CACTIN: variants seen among roughly 807,000 people sequenced by gnomAD.
CACTIN encodes splicing factor Cactin.
Under a neutral mutation model 84.9 loss-of-function variants are expected in CACTIN, and 20 were observed. The observed-to-expected ratio is 0.24, with a 90% CI of 0.17 to 0.34. The LOEUF is 0.34. Among genes scored for constraint, CACTIN ranks in the 10% least tolerant of loss-of-function variants. CACTIN has a pLI of 1.00. For synonymous variants in CACTIN, 549 were observed against 467.9 expected, an observed-to-expected ratio of 1.17 and a Z score of -2.24; for missense variants, 897 against 1,117.2, an observed-to-expected ratio of 0.80 and a Z score of 2.81.
chr19:3,623,392 G>C (rs190974117), intron 2 of CACTIN, among the ~76,000 whole-genome samples: 2 of 151,782 alleles, frequency 1.3e-5, no homozygotes, highest in Non-Finnish European at 2.9e-5. Flanking sequence ...AGCCGGGCGT[G>C]GTAGCGGGCG....
chr19:3,618,363 G>A (rs891629679), intron 6 of CACTIN, among the ~76,000 whole-genome samples: 2 of 152,116 alleles, frequency 1.3e-5, no homozygotes, highest in Non-Finnish European at 2.9e-5. Context: ...CCGCATGTCC[G>A]CAGTGCTCAG....
intron 6 of CACTIN, among the ~76,000 whole-genome samples, chr19:3,618,524 G>A (rs2033154630): frequency 6.6e-6 from 1 of 152,262 alleles, no homozygotes; most frequent in African/African-American, 2.4e-5. Context: ...CGGCCTTCAG[G>A]CCAGGTGGAG....
chr19:3,618,599 G>T (rs1200430401), intron 6 of CACTIN, among the ~76,000 whole-genome samples: 5 of 152,220 alleles, frequency 3.3e-5, no homozygotes, highest in African/African-American at 1.2e-4. Flanking sequence ...AAGCCCCGTG[G>T]CTCCCATAAG....
At chr19:3,625,128 G>A (rs867383747) in intron 1 of CACTIN, among the ~76,000 whole-genome samples, 1 of 152,122 alleles carries the variant, frequency 6.6e-6, no homozygotes, top group African/African-American at 2.4e-5. Flanking sequence ...CTGGGCTCAG[G>A]CAAGCCTCCT....
At chr19:3,621,289 T>C (rs1421917803) in intron 2 of CACTIN, among the ~76,000 whole-genome samples, 3 of 152,202 alleles carry the variant, frequency 2.0e-5, no homozygotes, top group Non-Finnish European at 2.9e-5. Context: ...TGTGGGGTCA[T>C]GGGGCCCCGC....
chr19:3,619,328 G>T (rs1599890517), intron 4 of CACTIN, 86 bp from the exon 5 acceptor site: 4 of 1,482,912 alleles, frequency 2.7e-6, no homozygotes, highest in African/African-American at 1.4e-5. Context: ...CCACACCAGT[G>T]GGAGCCGAGG....
At chr19:3,613,740 T>C (rs1486361216) in intron 7 of CACTIN, 154 bp from the exon 8 acceptor site, 1 of 1,115,186 alleles carries the variant, frequency 9.0e-7, no homozygotes, top group East Asian at 2.6e-5. Context: ...GCTTGGTCAG[T>C]TCAGGGTCAA....
Position 3,626,647 on chromosome 19 carries a change from C to T in CACTIN, c.116G>A (p.Arg39His). 1.3e-6 allele frequency: 2 copies of T among 1,536,052 alleles called. No homozygotes were observed. Among genetic ancestry groups the T allele is most frequent in the Non-Finnish European group, 1.7e-6 (2 of 1,150,310 alleles). The change falls in exon 1 of 10, where the codon CGC (arginine) becomes CAC (histidine). Residue 39 changes from arginine (R) to histidine (H), a missense_variant. Arg to His is a conservative substitution (Grantham distance 29). Transcript: ENST00000429344. ...SRSHGRRNRR[R>H]REDEGRRRRR... The stretch of plus-strand genomic sequence containing the variant: ...TCTGCGCCGTCCCTCGTCCTCCCGG[C>T]GCCGTCGGTTTCGCCGCCCATGGCT...
intron 9 of CACTIN, chr19:3,612,755 C>T (rs2032994015): frequency 1.4e-6 from 1 of 698,068 alleles, no homozygotes; most frequent in East Asian, 2.7e-5. Context: ...CAGGGGTTTT[C>T]TGAAGCCAGT....
Position 3,611,674 on chromosome 19 carries a change from C to T in CACTIN, c.*249G>A, listed in dbSNP as rs1366171754. Reference sequence around the variant, plus strand: ...CGTGCTCGAAAGATGCCCCTAGCGCCCCCTCCGTTGCATCAGGACCCTAGG... The same window carrying T: ...CGTGCTCGAAAGATGCCCCTAGCGCTCCCTCCGTTGCATCAGGACCCTAGG... On this transcript the variant is annotated 3_prime_UTR_variant, in exon 10 of 10. Transcript: ENST00000429344. 3.6e-6 allele frequency: 2 copies of T among 552,900 alleles called. No homozygotes were observed. Among genetic ancestry groups the T allele is most frequent in the South Asian group, 3.9e-5 (2 of 50,964 alleles). The allele number at this position is 552,900 out of a possible 1,614,324, so 34.2% of individuals were successfully genotyped here. A position where few individuals can be genotyped will look rare whatever the true frequency, so the allele number is the denominator to read the frequency against.
At position 3,625,788 on chromosome 19, in the gene CACTIN, A is replaced by G. The variant is rs542160668; in HGVS notation, c.167+808T>C. Among the ~76,000 whole-genome samples the G allele has an allele frequency of 9.6e-4, 147 of 152,340 alleles. 1 individual carries two copies. The highest frequency in any genetic ancestry group is 3.5e-3 in the African/African-American group (146 of 41,590). ...TGAACTTGGCCCAGAGCGGGGCAAGACTGGCCTGAGTGTCAGCCACGAAGG... is the reference window on the plus strand; with the variant it reads ...TGAACTTGGCCCAGAGCGGGGCAAGGCTGGCCTGAGTGTCAGCCACGAAGG... On this transcript the variant is annotated intron_variant, in intron 1 of 9. Coordinates refer to ENST00000429344, the MANE Select transcript of CACTIN (RefSeq NM_001080543.2).
intron 6 of CACTIN, among the ~76,000 whole-genome samples, chr19:3,617,439 A>G (rs1244383223): frequency 1.3e-5 from 2 of 152,198 alleles, no homozygotes; most frequent in Non-Finnish European, 2.9e-5. Flanking sequence ...CTCGGAAGAC[A>G]CCAAAGCCAC....
intron 2 of CACTIN, 67 bp from the exon 3 acceptor site, chr19:3,620,869 C>A (rs531504548): frequency 1.6e-6 from 2 of 1,267,376 alleles, no homozygotes; most frequent in East Asian, 2.3e-5. Context: ...TCAGCTCCTT[C>A]GTCCAAGAGA....
At chr19:3,621,150 C>T in intron 2 of CACTIN, 1 of 413,398 alleles carries the variant, frequency 2.4e-6, no homozygotes, top group South Asian at 2.1e-5. Flanking sequence ...GGCCTGCTGA[C>T]TCGCTTTACC....
At chr19:3,621,909 C>T (rs2033232074) in intron 2 of CACTIN, among the ~76,000 whole-genome samples, 1 of 152,134 alleles carries the variant, frequency 6.6e-6, no homozygotes, top group Non-Finnish European at 1.5e-5. Flanking sequence ...ACCTGGAGAC[C>T]CCACAGCTCC....
At position 3,613,484 on chromosome 19, in the gene CACTIN, C is replaced by A; in HGVS notation, c.1458G>T (p.Glu486Asp). Reference protein sequence around the residue: ...SEPLFPILKQEPQSPSRSLEP... With the variant: ...SEPLFPILKQDPQSPSRSLEP... ...CCTACCTGCGGCTGGGGGACTGGGGCTCCTGCTTGAGGATGGGGAACAGCG... is the reference window on the plus strand; with the variant it reads ...CCTACCTGCGGCTGGGGGACTGGGGATCCTGCTTGAGGATGGGGAACAGCG... The change falls in exon 8 of 10, where the codon GAG becomes GAT. Residue 486 changes from glutamate to aspartate, a missense_variant. By Grantham distance (45) the Glu-to-Asp change is conservative. Coordinates refer to ENST00000429344, the MANE Select transcript of CACTIN (RefSeq NM_001080543.2). 1 of 1,581,912 alleles carries A rather than the reference C, an allele frequency of 6.3e-7. No individual in the cohort carries two copies. The highest frequency in any genetic ancestry group is 1.1e-5 in the South Asian group (1 of 87,310).
In CACTIN at chr19:3,611,519, G is replaced by T; in HGVS notation, c.*404C>A. 3 of 365,330 alleles carry T rather than the reference G, an allele frequency of 8.2e-6. No individual in the cohort carries two copies. The highest frequency in any genetic ancestry group is 6.3e-5 in the South Asian group (3 of 47,976). 22.6% of individuals were successfully genotyped at this position (365,330 alleles called of 1,614,324 possible). The stretch of plus-strand genomic sequence containing the variant: ...GCACCGCCAAGCCCAGGCCCCTCTG[G>T]CCCATCTCCACAACACCCTGTGTGG... On this transcript the variant is annotated 3_prime_UTR_variant, in exon 10 of 10. Transcript: ENST00000429344.
At position 3,615,589 on chromosome 19, in the gene CACTIN, G is replaced by A. The variant is rs1189287015; in HGVS notation, c.1163-1000C>T. The A allele has an allele frequency of 6.6e-6, 1 of 152,384 alleles. No homozygotes were observed. The highest frequency in any genetic ancestry group is 2.4e-5 in the African/African-American group (1 of 41,448). The allele number at this position is 152,384 out of a possible 1,614,324, so 9.4% of individuals were successfully genotyped here. On this transcript the variant is annotated intron_variant, in intron 6 of 9. Coordinates refer to ENST00000429344, the MANE Select transcript of CACTIN (RefSeq NM_001080543.2). The surrounding 1 kb of genome is among the most constrained non-coding windows in gnomAD (Gnocchi z 5.2). ...AAGCCCTCCCTGACCATCCAGCGATGGCAGCTTCCCGAGGCGGGCAATGGG... is the reference window on the plus strand; with the variant it reads ...AAGCCCTCCCTGACCATCCAGCGATAGCAGCTTCCCGAGGCGGGCAATGGG...
Position 3,611,836 on chromosome 19 carries a change from A to G in CACTIN, c.*87T>C, listed in dbSNP as rs970537144. The G allele has an allele frequency of 4.5e-5, 68 of 1,526,330 alleles. No individual in the cohort carries two copies. The highest frequency in any genetic ancestry group is 5.8e-5 in the Admixed American group (3 of 52,138). 94.5% of individuals were successfully genotyped at this position (1,526,330 alleles called of 1,614,324 possible). ...ACGTGAACCCGCGGCCCTGCAGCCC[A>G]GACAGCGGCCCCGGAGTGACCACCA... On this transcript the variant is annotated 3_prime_UTR_variant, in exon 10 of 10. Transcript: ENST00000429344.
Sources: allele counts gnomAD v4.1 joint callset (sites outside exome capture counted in the v4.1 genomes callset), GRCh38; gene constraint gnomAD v4.1.1; non-coding constraint Gnocchi (gnomAD v3.1); transcripts MANE v1.5; gene names NCBI Gene and HGNC (gene_info 2026-07-23, HGNC 2026-07-21).